Variants in CYP2J2 observed in about 807,000 individuals in gnomAD.
CYP2J2 encodes cytochrome P450 2J2.
A neutral mutation model predicts 48.8 loss-of-function variants in CYP2J2; 41 were observed. The observed-to-expected ratio is 0.84, with a 90% CI of 0.66 to 1.09. The LOEUF (loss-of-function observed/expected upper bound fraction) is 1.09, where lower values mean the gene tolerates loss of function less well. Ranked by LOEUF, CYP2J2 falls within the 50% of genes least tolerant of loss-of-function variation. The pLI is 0.00. For synonymous variants in CYP2J2, 221 were observed against 227.1 expected (o/e 0.97, Z 0.24); for missense variants, 644 against 617.3 (o/e 1.04, Z -0.46).
intron 4 of CYP2J2, among the ~76,000 whole-genome samples, chr1:59,910,410 C>T (rs563231161): frequency 6.6e-6 from 1 of 152,196 alleles, no homozygotes; most frequent in East Asian, 1.9e-4. Flanking sequence ...GGTAGTAGGG[C>T]ATAGATGCAG....
At chr1:59,934,164 G>A in the CYP2J2 span, among the ~76,000 whole-genome samples, 2 of 152,060 alleles carry the variant, frequency 1.3e-5, no homozygotes, top group Non-Finnish European at 2.9e-5. Flanking sequence ...CAATGGTGTG[G>A]CAAAACTGTA....
At chr1:59,923,169 T>A (rs576163041) in intron 1 of CYP2J2, among the ~76,000 whole-genome samples, 2 of 152,184 alleles carry the variant, frequency 1.3e-5, no homozygotes, top group African/African-American at 4.8e-5. Context: ...CTGTCTTCTG[T>A]TCCATCTTCC....
Position 59,921,050 on chromosome 1 carries a change from T to C in CYP2J2, c.211-4950A>G, listed in dbSNP as rs549004367. ...AAAAGGTTATCCCCAGGGTTTCCAT[T>C]CAGTGATCCAATCTCCTTATATCTC... On this transcript the variant is annotated intron_variant, in intron 1 of 8. Coordinates refer to ENST00000371204, the MANE Select transcript of CYP2J2 (RefSeq NM_000775.4). Among the ~76,000 whole-genome samples the C allele has an allele frequency of 2.9e-4, 44 of 152,288 alleles. No individual in the cohort carries two copies. The South Asian group carries it at 8.3e-3, about 29-fold the overall frequency.
At chr1:59,920,396 A>T (rs1574260687) in intron 1 of CYP2J2, among the ~76,000 whole-genome samples, 1 of 151,978 alleles carries the variant, frequency 6.6e-6, no homozygotes, top group East Asian at 1.9e-4. Flanking sequence ...GGTGCTGGGG[A>T]GTGCAACAAG....
At chr1:59,922,836 A>C (rs1644529846) in intron 1 of CYP2J2, among the ~76,000 whole-genome samples, 1 of 152,332 alleles carries the variant, frequency 6.6e-6, no homozygotes, top group Admixed American at 6.5e-5. Context: ...TTTGTTGTGG[A>C]GGCAAATACC....
chr1:59,940,253 G>T, the CYP2J2 span, among the ~76,000 whole-genome samples: 1 of 152,168 alleles, frequency 6.6e-6, no homozygotes, highest in Non-Finnish European at 1.5e-5. Context: ...TATTGCTGCT[G>T]GTTATAAGGG....
chr1:59,916,472 G>T (rs554671233), intron 1 of CYP2J2, among the ~76,000 whole-genome samples: 1 of 152,204 alleles, frequency 6.6e-6, no homozygotes. Flanking sequence ...AGTGGCTTAC[G>T]CCTGTAATCC....
At chr1:59,963,187 G>C in the CYP2J2 span, among the ~76,000 whole-genome samples, 1 of 152,038 alleles carries the variant, frequency 6.6e-6, no homozygotes, top group Non-Finnish European at 1.5e-5. Context: ...TTTAAGTTAT[G>C]GGAAAATATA....
the CYP2J2 span, among the ~76,000 whole-genome samples, chr1:59,942,305 C>T: frequency 6.6e-6 from 1 of 151,936 alleles, no homozygotes; most frequent in Non-Finnish European, 1.5e-5. Context: ...AAGAAGGAGC[C>T]AGAAATAGAG....
the CYP2J2 span, among the ~76,000 whole-genome samples, chr1:59,960,713 G>GA: frequency 6.6e-6 from 1 of 152,146 alleles, no homozygotes; most frequent in Admixed American, 6.5e-5. Context: ...CATGGTGGCA[G>GA]AGGCCTGTAA....
At chr1:59,933,983 C>T in the CYP2J2 span, among the ~76,000 whole-genome samples, 1 of 151,952 alleles carries the variant, frequency 6.6e-6, no homozygotes, top group South Asian at 2.1e-4. Flanking sequence ...TTCCTAATTC[C>T]AAAACATTAC....
At chr1:59,913,602 A>ATGGTG in intron 2 of CYP2J2, among the ~76,000 whole-genome samples, 1 of 152,074 alleles carries the variant, frequency 6.6e-6, no homozygotes, top group Non-Finnish European at 1.5e-5. Flanking sequence ...CTGCACCTAC[A>ATGGTG]TCATCATGTC....
chr1:59,921,920 A>G (rs1644519085), intron 1 of CYP2J2, among the ~76,000 whole-genome samples: 1 of 152,162 alleles, frequency 6.6e-6, no homozygotes, highest in Non-Finnish European at 1.5e-5. Flanking sequence ...ACTGATGTTA[A>G]AGAATTACTT....
chr1:59,910,813 C>A (rs1354190064), intron 4 of CYP2J2, among the ~76,000 whole-genome samples: 3 of 152,002 alleles, frequency 2.0e-5, no homozygotes, highest in African/African-American at 7.3e-5. Context: ...GTCTGAGGAA[C>A]CAAGAAACCG....
the CYP2J2 span, among the ~76,000 whole-genome samples, chr1:59,944,650 A>G: frequency 6.6e-6 from 1 of 152,316 alleles, no homozygotes; most frequent in South Asian, 2.1e-4. Flanking sequence ...TTTCCTACGT[A>G]CAAGAATATC....
the CYP2J2 span, among the ~76,000 whole-genome samples, chr1:59,945,532 A>C: frequency 2.0e-5 from 3 of 152,106 alleles, no homozygotes; most frequent in Non-Finnish European, 4.4e-5. Context: ...CTTTCTGTCT[A>C]CTTATATGCT....
Position 59,901,050 on chromosome 1 carries a change from C to T in CYP2J2, c.1245G>A (p.Trp415Ter), listed in dbSNP as rs749230326. 10 of 1,613,928 alleles carry T rather than the reference C, an allele frequency of 6.2e-6. No homozygotes were observed. The highest frequency in any genetic ancestry group is 8.5e-6 in the Non-Finnish European group (10 of 1,179,970). The change falls in exon 8 of 9, where the codon TGG becomes TGA. Residue 415 changes from tryptophan to a stop codon, truncating the protein, a stop_gained. Coordinates refer to ENST00000371204, the MANE Select transcript of CYP2J2 (RefSeq NM_000775.4). LOFTEE classifies it high-confidence loss of function. ...CCGGATTGAATGTGTCAGGGGTGGC[C>T]CACTCTGTGGGGTCCCTGTGCAGCG... ...LTALHRDPTE[W>*]ATPDTFNPDH...
chr1:59,960,591 G>A, the CYP2J2 span, among the ~76,000 whole-genome samples: 1 of 152,270 alleles, frequency 6.6e-6, no homozygotes, highest in South Asian at 2.1e-4. Context: ...TATCAATCAA[G>A]AATAAAGGAT....
At chr1:59,938,069 C>T in the CYP2J2 span, among the ~76,000 whole-genome samples, 2 of 152,074 alleles carry the variant, frequency 1.3e-5, no homozygotes, top group African/African-American at 2.4e-5. Context: ...TAGGATTGGT[C>T]CCTGGTGCCT....
Sources: allele counts gnomAD v4.1 joint callset (sites outside exome capture counted in the v4.1 genomes callset), GRCh38; gene constraint gnomAD v4.1.1; transcripts MANE v1.5; gene names NCBI Gene and HGNC (gene_info 2026-07-23, HGNC 2026-07-21).